The following VWA3B variants were observed in gnomAD, a reference collection of about 807,000 sequenced individuals.
The protein encoded by VWA3B is von Willebrand factor A domain containing 3B, also known as von Willebrand factor A domain-containing protein 3B.
In VWA3B, 138 loss-of-function variants were observed where a neutral mutation model predicts 158.3. That is an observed-to-expected ratio of 0.87 (90% CI 0.76 to 1.00). The LOEUF (loss-of-function observed/expected upper bound fraction) is 1.00, where lower values mean the gene tolerates loss of function less well. Ranked by LOEUF, VWA3B falls within the 50% of genes least tolerant of loss-of-function variation. VWA3B has a pLI of 0.00. For missense variants in VWA3B, 1,555 were observed against 1,565.1 expected (o/e 0.99, Z 0.11); for synonymous variants, 596 against 587.3 (o/e 1.01, Z -0.21).
chr2:98,233,990 C>G (rs1369801825), intron 16 of VWA3B, among the ~76,000 whole-genome samples: 2 of 152,182 alleles, frequency 1.3e-5, no homozygotes, highest in African/African-American at 4.8e-5. Context: ...TTGTCATTTG[C>G]CTGTAGAAGG....
rs76166374 is a variant in VWA3B, at chr2:98,298,621, G to A, written c.3282+590G>A. ...ATGTGCATTCCATAGATGTGTCACC[G>A]GAGGAAAGGCCATGAATGTCAGTTG... is the stretch of plus-strand genomic sequence containing the variant. On this transcript the variant is annotated intron_variant, in intron 24 of 27. Coordinates refer to ENST00000477737, the MANE Select transcript of VWA3B (RefSeq NM_144992.5). 5.3e-3 allele frequency among the ~76,000 whole-genome samples: 804 copies of A among 152,248 alleles called. 6 individuals carry two copies. The highest frequency in any genetic ancestry group is 0.018 in the African/African-American group (757 of 41,532).
intron 7 of VWA3B, among the ~76,000 whole-genome samples, chr2:98,146,869 A>G (rs540506972): frequency 3.9e-5 from 6 of 152,342 alleles, no homozygotes; most frequent in Admixed American, 3.9e-4. Context: ...ACGTTCCAAG[A>G]TGTATGAAGG....
intron 14 of VWA3B, among the ~76,000 whole-genome samples, chr2:98,223,550 T>TA (rs1316250783): frequency 6.6e-6 from 1 of 152,078 alleles, no homozygotes; most frequent in African/African-American, 2.4e-5. Context: ...ATGTCATAGT[T>TA]AAACGTTTGA....
At chr2:98,093,960 T>C (rs537616193) in intron 2 of VWA3B, among the ~76,000 whole-genome samples, 28 of 152,312 alleles carry the variant, frequency 1.8e-4, no homozygotes, top group Admixed American at 1.8e-3. Flanking sequence ...ACGTAGCAAA[T>C]GACAGGATTT....
intron 3 of VWA3B, among the ~76,000 whole-genome samples, chr2:98,117,462 C>T (rs1398935219): frequency 6.6e-6 from 1 of 152,146 alleles, no homozygotes. Context: ...CCCTTGAGGT[C>T]GAACACTGGC....
Position 98,236,726 on chromosome 2 carries a change from A to G in VWA3B, c.2669A>G (p.Asp890Gly). 1.2e-6 allele frequency: 2 copies of G among 1,612,810 alleles called. No individual in the cohort carries two copies. Among genetic ancestry groups the G allele is most frequent in the African/African-American group, 1.3e-5 (1 of 74,970 alleles). ...LDKHVVSKVF[D>G]EVFPLAHVCN... Reference sequence around the variant, plus strand: ...AAGCATGTCGTGTCTAAGGTCTTTGATGAGGTAAACTGATTGTCTATACGT... The same window carrying G: ...AAGCATGTCGTGTCTAAGGTCTTTGGTGAGGTAAACTGATTGTCTATACGT... Residue 890 changes from aspartate to glycine, a missense_variant, in exon 19 of 28, where the codon GAT becomes GGT. Transcript: ENST00000477737.
intron 7 of VWA3B, among the ~76,000 whole-genome samples, chr2:98,159,264 TTTTG>T (rs1209953842): frequency 1.3e-5 from 2 of 152,122 alleles, no homozygotes; most frequent in African/African-American, 4.8e-5. Flanking sequence ...GGTTTGGTTT[TTTTG>T]TTTGTTTTTG....
At chr2:98,132,631 AG>A (rs1373195216) in intron 6 of VWA3B, among the ~76,000 whole-genome samples, 3 of 152,218 alleles carry the variant, frequency 2.0e-5, no homozygotes, top group Non-Finnish European at 4.4e-5. Flanking sequence ...AGAGAGTGGA[AG>A]GTCCTGGGTG....
Position 98,121,311 on chromosome 2 carries a change from G to T in VWA3B, c.555G>T (p.Glu185Asp), listed in dbSNP as rs755880585. Residue 185 changes from glutamate (E) to aspartate (D), a missense_variant, in exon 5 of 28, where the codon GAG (glutamate) becomes GAT (aspartate). Transcript: ENST00000477737. ...TEFNIIRVSQ[E>D]PVKWQENATP... is the part of the protein sequence containing the mutation. ...TGATCCTTTTCAGGGTTTCTCAAGA[G>T]CCTGTGAAGTGGCAGGAAAATGCTA... 2 of 1,613,654 alleles carry T rather than the reference G, an allele frequency of 1.2e-6. No homozygotes were observed. Among genetic ancestry groups the T allele is most frequent in the South Asian group, 1.1e-5 (1 of 91,064 alleles).
chr2:98,274,676 A>G (rs1688414674), intron 22 of VWA3B, among the ~76,000 whole-genome samples: 1 of 152,182 alleles, frequency 6.6e-6, no homozygotes, highest in African/African-American at 2.4e-5. Flanking sequence ...CCTGTAGGAA[A>G]TGGACACCAG....
At chr2:98,126,917 T>A (rs1179646522) in intron 5 of VWA3B, among the ~76,000 whole-genome samples, 1 of 144,006 alleles carries the variant, frequency 6.9e-6, no homozygotes, top group Non-Finnish European at 1.5e-5. Flanking sequence ...GTCTGCTCCA[T>A]CTGCTGCAGG....
intron 8 of VWA3B, among the ~76,000 whole-genome samples, chr2:98,166,202 T>C (rs1679059239): frequency 6.6e-6 from 1 of 152,104 alleles, no homozygotes; most frequent in Non-Finnish European, 1.5e-5. Context: ...CCAGGTGTGG[T>C]GGCGCATGCC....
intron 21 of VWA3B, among the ~76,000 whole-genome samples, chr2:98,262,098 G>A (rs1038247136): frequency 4.6e-5 from 7 of 151,670 alleles, no homozygotes; most frequent in Admixed American, 6.6e-5. Flanking sequence ...GTCTAGTCAA[G>A]CCCTTTATCC....
At position 98,222,147 on chromosome 2, in the gene VWA3B, G is replaced by A. The variant is rs557747345; in HGVS notation, c.2019+4119G>A. ...GGCTCCACTTCCGTTCAGCATCGAC[G>A]AGACTGAAGGAGGTAGTGCTAGGTG... On this transcript the variant is annotated intron_variant, in intron 14 of 27. Coordinates refer to ENST00000477737, the MANE Select transcript of VWA3B (RefSeq NM_144992.5). Among the ~76,000 whole-genome samples the A allele has an allele frequency of 5.9e-5, 9 of 152,228 alleles. No homozygotes were observed. In the East Asian group the frequency reaches 1.4e-3, roughly 23 times the overall value.
At position 98,181,137 on chromosome 2, in the gene VWA3B, C is replaced by T; in HGVS notation, c.1236C>T (p.Asp412=). Residue 412 remains aspartate, a synonymous_variant, in exon 9 of 28, where the codon GAC becomes GAT. Transcript: ENST00000477737. ...TATCCTTGTATGATGTGCTTGCCGA[C>T]TGCTCTTTCCGCCACGCTGATGGGG... The part of the protein sequence containing the change: ...QKLSLYDVLA[D]CSFRHADGVV... The T allele has an allele frequency of 6.2e-7, 1 of 1,614,226 alleles. No homozygotes were observed. Among genetic ancestry groups the T allele is most frequent in the Non-Finnish European group, 8.5e-7 (1 of 1,180,046 alleles).
chr2:98,228,103 A>G (rs1685057399), intron 14 of VWA3B, 99 bp from the exon 15 acceptor site: 2 of 1,385,194 alleles, frequency 1.4e-6, no homozygotes, highest in South Asian at 1.5e-5. Flanking sequence ...AGCGTGGGCA[A>G]CATAGTGAAC....
chr2:98,325,174 CAAG>C, the VWA3B span, among the ~76,000 whole-genome samples: 1 of 151,936 alleles, frequency 6.6e-6, no homozygotes, highest in Non-Finnish European at 1.5e-5. Flanking sequence ...TTTATAGATC[CAAG>C]AAGTTCAGTG....
intron 16 of VWA3B, among the ~76,000 whole-genome samples, chr2:98,234,253 T>C (rs916000992): frequency 6.6e-6 from 1 of 152,186 alleles, no homozygotes; most frequent in South Asian, 2.1e-4. Context: ...TCAGACAGAT[T>C]TGAACCACAA....
intron 21 of VWA3B, among the ~76,000 whole-genome samples, chr2:98,262,613 G>A (rs1296848014): frequency 6.6e-6 from 1 of 151,726 alleles, no homozygotes; most frequent in African/African-American, 2.4e-5. Context: ...TCTTTATTCT[G>A]TTCCAGTATT....
Sources: allele counts gnomAD v4.1 joint callset (sites outside exome capture counted in the v4.1 genomes callset), GRCh38; gene constraint gnomAD v4.1.1; transcripts MANE v1.5; gene names NCBI Gene and HGNC (gene_info 2026-07-23, HGNC 2026-07-21).